NRXN3: variants seen among roughly 807,000 people sequenced by gnomAD.
The protein encoded by NRXN3 is neurexin III.
In NRXN3, 32 loss-of-function variants were observed where a neutral mutation model predicts 137.6. The observed-to-expected ratio is 0.23, with a 90% CI of 0.18 to 0.31. The LOEUF (loss-of-function observed/expected upper bound fraction) is 0.31, where lower values mean the gene tolerates loss of function less well. Ranked by LOEUF, NRXN3 falls within the 10% of genes least tolerant of loss-of-function variation. The pLI is 1.00. For synonymous variants in NRXN3, 798 were observed against 784.5 expected (o/e 1.02, Z -0.29); for missense variants, 1,574 against 2,062.5 (o/e 0.76, Z 4.59).
chr14:78,480,446 G>A (rs1341473695), intron 4 of NRXN3, among the ~76,000 whole-genome samples: 1 of 152,202 alleles, frequency 6.6e-6, no homozygotes, highest in East Asian at 1.9e-4. Context: ...CCAGCTCTGG[G>A]TGGCATCCAG....
intron 15 of NRXN3, among the ~76,000 whole-genome samples, chr14:79,193,061 G>T (rs1022699645): frequency 1.3e-5 from 2 of 151,764 alleles, no homozygotes; most frequent in Non-Finnish European, 2.9e-5. Flanking sequence ...GAGCCACCAC[G>T]CCTGGCTATG....
At chr14:79,450,932 CT>C (rs981841241) in intron 15 of NRXN3, among the ~76,000 whole-genome samples, 8 of 151,824 alleles carry the variant, frequency 5.3e-5, no homozygotes, top group African/African-American at 1.9e-4. Flanking sequence ...TTCATAAGCA[CT>C]TATGTTAGAG....
intron 19 of NRXN3, among the ~76,000 whole-genome samples, chr14:79,773,006 A>C (rs929804340): frequency 5.3e-5 from 8 of 152,166 alleles, no homozygotes; most frequent in African/African-American, 1.7e-4. Flanking sequence ...ACATTTATGC[A>C]GCCAAAAAAC....
chr14:78,365,841 A>T lies in NRXN3; in HGVS notation c.757+67981A>T, dbSNP rs556141243. Reference sequence around the variant, plus strand: ...GGAGATGTAGCAGTGAACAAAACAGATACAAATTTCTACCAAGAATCTTAT... The same window carrying T: ...GGAGATGTAGCAGTGAACAAAACAGTTACAAATTTCTACCAAGAATCTTAT... On this transcript the variant is annotated intron_variant, in intron 4 of 20. Transcript: ENST00000335750. Among the ~76,000 whole-genome samples the T allele has an allele frequency of 6.8e-4, 104 of 152,336 alleles. 5 individuals are homozygous for T. The South Asian group carries it at 0.021, about 31-fold the overall frequency.
intron 15 of NRXN3, among the ~76,000 whole-genome samples, chr14:79,227,664 G>T (rs540185802): frequency 6.6e-6 from 1 of 151,416 alleles, no homozygotes; most frequent in Non-Finnish European, 1.5e-5. Context: ...TTCTGATAGG[G>T]CCACTTTGTT....
chr14:79,769,569 A>C (rs576910329), intron 19 of NRXN3, among the ~76,000 whole-genome samples: 37 of 152,280 alleles, frequency 2.4e-4, no homozygotes, highest in African/African-American at 8.9e-4. Flanking sequence ...AGACAAGCAA[A>C]TGCTGAGAGA....
chr14:78,905,156 T>G (rs1488305433), intron 10 of NRXN3, among the ~76,000 whole-genome samples: 1 of 152,050 alleles, frequency 6.6e-6, no homozygotes, highest in Non-Finnish European at 1.5e-5. Context: ...TTCTCTGAAG[T>G]GTACTGTGCC....
chr14:78,848,272 C>T (rs1046884505), intron 10 of NRXN3, among the ~76,000 whole-genome samples: 1 of 152,072 alleles, frequency 6.6e-6, no homozygotes, highest in Non-Finnish European at 1.5e-5. Flanking sequence ...ATCTTCTTCT[C>T]TTATATAGAG....
intron 14 of NRXN3, among the ~76,000 whole-genome samples, chr14:78,970,643 C>T (rs967370022): frequency 6.6e-6 from 1 of 152,132 alleles, no homozygotes; most frequent in Non-Finnish European, 1.5e-5. Context: ...AGAATGACCT[C>T]ACTTAAGAGA....
intron 15 of NRXN3, among the ~76,000 whole-genome samples, chr14:79,367,451 A>G (rs2093939156): frequency 6.6e-6 from 1 of 152,182 alleles, no homozygotes; most frequent in Non-Finnish European, 1.5e-5. Flanking sequence ...ATGTGGAAGG[A>G]TGATAGAAAT....
At chr14:79,373,604 G>T (rs886876070) in intron 15 of NRXN3, among the ~76,000 whole-genome samples, 1 of 152,120 alleles carries the variant, frequency 6.6e-6, no homozygotes, top group African/African-American at 2.4e-5. Flanking sequence ...ATAATATACG[G>T]TTCAGTGGCT....
chr14:79,516,459 C>T (rs2096985755), intron 16 of NRXN3, among the ~76,000 whole-genome samples: 1 of 152,168 alleles, frequency 6.6e-6, no homozygotes, highest in African/African-American at 2.4e-5. Context: ...AGGTATGAGA[C>T]ACTGGATGCA....
intron 14 of NRXN3, among the ~76,000 whole-genome samples, chr14:78,980,140 C>T (rs2099485739): frequency 6.6e-6 from 1 of 152,224 alleles, no homozygotes; most frequent in South Asian, 2.1e-4. Flanking sequence ...AAGCCCTTCA[C>T]TCCTTGTGAT....
chr14:78,370,872 C>T lies in NRXN3; in HGVS notation c.757+73012C>T, dbSNP rs114886491. On this transcript the variant is annotated intron_variant, in intron 4 of 20. Transcript: ENST00000335750. ...GTCTTGATGGATGAAGCTGTTTCTA[C>T]ATTGTGTGGTAAGGGCATTAGTCAA... 7.3e-3 allele frequency among the ~76,000 whole-genome samples: 1,108 copies of T among 152,250 alleles called. 11 individuals carry two copies. Among genetic ancestry groups the T allele is most frequent in the African/African-American group, 0.026 (1,061 of 41,544 alleles).
At chr14:78,501,430 C>T (rs1255676343) in intron 4 of NRXN3, among the ~76,000 whole-genome samples, 1 of 152,126 alleles carries the variant, frequency 6.6e-6, no homozygotes, top group Admixed American at 6.5e-5. Context: ...GCTTGCTTTA[C>T]TAGAGAGAGC....
At chr14:79,633,920 G>A (rs2098381825) in intron 16 of NRXN3, among the ~76,000 whole-genome samples, 1 of 151,976 alleles carries the variant, frequency 6.6e-6, no homozygotes, top group South Asian at 2.1e-4. Context: ...ACGAAGCTCT[G>A]CCATCTGACA....
chr14:78,234,996 A>ATATATATATATATATATATATATGTG (rs2066003716), intron 1 of NRXN3, among the ~76,000 whole-genome samples: 11 of 23,404 alleles, frequency 4.7e-4, no homozygotes, highest in Non-Finnish European at 7.0e-4. Context: ...AAATGCTTTT[A>ATATATATATATATATATATATATGTG]TATATATATA....
chr14:79,385,209 CCG>C (rs2094575608), intron 15 of NRXN3, among the ~76,000 whole-genome samples: 1 of 94,358 alleles, frequency 1.1e-5, no homozygotes, highest in Non-Finnish European at 2.5e-5. Flanking sequence ...ATCCTTCCCC[CCG>C]CCCCCACCCC....
intron 20 of NRXN3, among the ~76,000 whole-genome samples, chr14:79,808,349 C>A (rs2140751945): frequency 1.3e-5 from 2 of 151,506 alleles, no homozygotes; most frequent in East Asian, 3.9e-4. Context: ...AAATCAGTTT[C>A]TTGGGCAAGA....
Sources: gnomAD v4.1 joint callset for allele counts (sites outside exome capture counted in the v4.1 genomes callset) on GRCh38, gnomAD v4.1.1 for gene constraint, MANE v1.5 for transcripts, NCBI Gene and HGNC (gene_info 2026-07-23, HGNC 2026-07-21) for gene names.